STARD13: variants seen among roughly 807,000 people sequenced by gnomAD.
STARD13 encodes StAR related lipid transfer domain containing 13, also known as stAR-related lipid transfer protein 13.
STARD13 carries 62 observed loss-of-function variants against 106.4 expected under a neutral mutation model. The observed-to-expected ratio is 0.58, with a 90% CI of 0.48 to 0.72. The LOEUF (loss-of-function observed/expected upper bound fraction) is 0.72, where lower values mean the gene tolerates loss of function less well. STARD13 is among the 30% of genes least tolerant of loss of function. The pLI is 0.00. For missense variants in STARD13, 1,387 were observed against 1,424.0 expected (o/e 0.97, Z 0.42); for synonymous variants, 565 against 553.0 (o/e 1.02, Z -0.31).
chr13:33,259,945 G>A (rs1448538809), intron 1 of STARD13, among the ~76,000 whole-genome samples: 2 of 144,388 alleles, frequency 1.4e-5, no homozygotes, highest in Admixed American at 1.4e-4. Context: ...GCAGTGAGCC[G>A]AGATCGTGCC....
chr13:33,464,592 G>A, the STARD13 span, among the ~76,000 whole-genome samples: 1 of 152,174 alleles, frequency 6.6e-6, no homozygotes, highest in African/African-American at 2.4e-5. Context: ...GCTCATGCCT[G>A]TAATCCCAGC....
chr13:33,399,564 G>C, the STARD13 span, among the ~76,000 whole-genome samples: 3 of 151,776 alleles, frequency 2.0e-5, no homozygotes, highest in Non-Finnish European at 4.4e-5. Context: ...AGCTGGGCGT[G>C]GTGGCTGGTG....
the STARD13 span, among the ~76,000 whole-genome samples, chr13:33,517,511 G>A: frequency 6.6e-6 from 1 of 152,138 alleles, no homozygotes; most frequent in East Asian, 1.9e-4. Flanking sequence ...GGCCCTGAAG[G>A]CAGAATTGAC....
the STARD13 span, among the ~76,000 whole-genome samples, chr13:33,570,664 C>A: frequency 8.3e-6 from 1 of 120,876 alleles, no homozygotes; most frequent in South Asian, 2.6e-4. Context: ...TTTGTTAGTC[C>A]ACAGACAGTT....
At chr13:33,350,278 C>T (rs2078062706) in intron 1 of STARD13, 1 of 1,528,082 alleles carries the variant, frequency 6.5e-7, no homozygotes, top group Non-Finnish European at 8.7e-7. Context: ...GCGGCGTCTC[C>T]GGGGCACTGA....
At chr13:33,217,979 T>C (rs1888137467) in intron 1 of STARD13, among the ~76,000 whole-genome samples, 1 of 121,502 alleles carries the variant, frequency 8.2e-6, no homozygotes, top group South Asian at 2.2e-4. Flanking sequence ...GAGCAGACTA[T>C]ATTACACACA....
intron 1 of STARD13, among the ~76,000 whole-genome samples, chr13:33,221,589 T>C (rs1411000590): frequency 1.3e-5 from 2 of 152,154 alleles, no homozygotes; most frequent in African/African-American, 4.8e-5. Flanking sequence ...CCAACTCAGC[T>C]CCTCCTTGGG....
chr13:33,610,504 C>T, the STARD13 span, among the ~76,000 whole-genome samples: 2 of 152,246 alleles, frequency 1.3e-5, no homozygotes, highest in African/African-American at 2.4e-5. Context: ...GTTCTCCCAG[C>T]CCCGCGCTGC....
the STARD13 span, among the ~76,000 whole-genome samples, chr13:33,571,219 A>G: frequency 6.6e-6 from 1 of 152,314 alleles, no homozygotes; most frequent in East Asian, 1.9e-4. Context: ...TTCGAGAATA[A>G]CAAGTAGAAT....
the STARD13 span, among the ~76,000 whole-genome samples, chr13:33,619,543 T>A: frequency 6.6e-6 from 1 of 152,226 alleles, no homozygotes; most frequent in Non-Finnish European, 1.5e-5. Flanking sequence ...TACATTATTG[T>A]AATTCTTAGA....
At chr13:33,365,140 C>G in the STARD13 span, among the ~76,000 whole-genome samples, 10 of 152,012 alleles carry the variant, frequency 6.6e-5, no homozygotes, top group African/African-American at 2.2e-4. Flanking sequence ...CTCACCTGAG[C>G]CTCAAGCAGT....
the STARD13 span, among the ~76,000 whole-genome samples, chr13:33,470,606 G>A: frequency 6.6e-6 from 1 of 152,134 alleles, no homozygotes; most frequent in Non-Finnish European, 1.5e-5. Flanking sequence ...ACTTTTTAAT[G>A]ATCGCCATTC....
At chr13:33,493,225 C>T in the STARD13 span, among the ~76,000 whole-genome samples, 1 of 152,146 alleles carries the variant, frequency 6.6e-6, no homozygotes, top group Non-Finnish European at 1.5e-5. Context: ...ACAACAGAGC[C>T]TCCTTGCGGA....
intron 1 of STARD13, among the ~76,000 whole-genome samples, chr13:33,329,413 C>A (rs193018672): frequency 1.0e-3 from 154 of 152,220 alleles, no homozygotes; most frequent in African/African-American, 3.5e-3. Context: ...TTTTGGCACC[C>A]TTTGACCAAA....
chr13:33,177,620 A>G (rs1274921403), intron 1 of STARD13, among the ~76,000 whole-genome samples: 1 of 152,030 alleles, frequency 6.6e-6, no homozygotes, highest in Admixed American at 6.6e-5. Context: ...TGAAGGCACT[A>G]TGCTTATTAT....
At chr13:33,539,397 A>G in the STARD13 span, among the ~76,000 whole-genome samples, 3 of 152,232 alleles carry the variant, frequency 2.0e-5, no homozygotes, top group African/African-American at 7.2e-5. Context: ...TAGAAATTGA[A>G]ATGACAATTT....
intron 1 of STARD13, among the ~76,000 whole-genome samples, chr13:33,253,026 G>A (rs556527637): frequency 1.3e-5 from 2 of 152,236 alleles, no homozygotes; most frequent in African/African-American, 4.8e-5. Flanking sequence ...CATATAAAAA[G>A]GTCACCACCA....
At chr13:33,653,341 T>C in the STARD13 span, among the ~76,000 whole-genome samples, 1 of 152,148 alleles carries the variant, frequency 6.6e-6, no homozygotes, top group Non-Finnish European at 1.5e-5. Context: ...TATAGACTAA[T>C]GGAATAGGAC....
intron 1 of STARD13, among the ~76,000 whole-genome samples, chr13:33,274,324 A>G (rs1462459528): frequency 1.3e-5 from 2 of 152,108 alleles, no homozygotes; most frequent in Non-Finnish European, 2.9e-5. Flanking sequence ...AGATTAAGAC[A>G]CAGACACACA....
Sources: gnomAD v4.1 joint callset for allele counts (sites outside exome capture counted in the v4.1 genomes callset) on GRCh38, gnomAD v4.1.1 for gene constraint, MANE v1.5 for transcripts, NCBI Gene and HGNC (gene_info 2026-07-23, HGNC 2026-07-21) for gene names.